The following TMEM254 variants were observed in gnomAD, a reference collection of about 807,000 sequenced individuals.
TMEM254 encodes the protein transmembrane protein 254.
A neutral mutation model predicts 13.9 loss-of-function variants in TMEM254; 16 were observed. The observed-to-expected ratio is 1.15, with a 90% CI of 0.78 to 1.75. The LOEUF (loss-of-function observed/expected upper bound fraction) is 1.75. Ranked by LOEUF, TMEM254 falls within the 40% of genes most tolerant of loss-of-function variation. The pLI, the probability that TMEM254 is intolerant of heterozygous loss-of-function variation, is 0.00. For missense variants in TMEM254, 155 were observed against 149.0 expected, an observed-to-expected ratio of 1.04 and a Z score of -0.21; for synonymous variants, 61 against 56.4, an observed-to-expected ratio of 1.08 and a Z score of -0.36.
chr10:80,088,170 T>C (rs1844404132), intron 3 of TMEM254, among the ~76,000 whole-genome samples: 1 of 152,260 alleles, frequency 6.6e-6, no homozygotes. Flanking sequence ...TATGTGTGGA[T>C]CTATTTCTGA....
intron 3 of TMEM254, among the ~76,000 whole-genome samples, chr10:80,083,958 G>A (rs1474923239): frequency 6.6e-6 from 1 of 152,090 alleles, no homozygotes; most frequent in African/African-American, 2.4e-5. Flanking sequence ...GGTGGTGCGT[G>A]CCTGCAGTCC....
chr10:80,090,582 C>T (rs971593908), intron 3 of TMEM254, among the ~76,000 whole-genome samples: 1 of 152,056 alleles, frequency 6.6e-6, no homozygotes, highest in African/African-American at 2.4e-5. Context: ...GACTAGTTCT[C>T]AGGGAATAGT....
intron 1 of TMEM254, chr10:80,079,272 G>A (rs1290400017): frequency 1.6e-6 from 2 of 1,220,124 alleles, no homozygotes; most frequent in East Asian, 5.9e-5. Context: ...CGGGGCCTGT[G>A]CGCACGCGCA....
chr10:80,080,528 T>G (rs1030543150), intron 1 of TMEM254, among the ~76,000 whole-genome samples: 5 of 152,206 alleles, frequency 3.3e-5, no homozygotes, highest in African/African-American at 1.2e-4. Context: ...AGAAAGGAAT[T>G]CTAAATTAAA....
In TMEM254 at chr10:80,090,820, G is replaced by A. The variant is rs373535741; in HGVS notation, c.275G>A (p.Arg92Gln). ...LCKHKGITSG[R>Q]AQLLWFLQTF... Reference sequence around the variant, plus strand: ...AGGCATAAAGGCATCACAAGTGGTCGGGCTCAGCTACTCTGGTTCCTACAG... The same window carrying A: ...AGGCATAAAGGCATCACAAGTGGTCAGGCTCAGCTACTCTGGTTCCTACAG... Residue 92 changes from arginine to glutamine, a missense_variant, in exon 4 of 4, where the codon CGG becomes CAG. Physicochemically the swap from Arg to Gln is conservative, Grantham distance 43. Transcript: ENST00000372281. The A allele has an allele frequency of 1.3e-4, 210 of 1,613,602 alleles. No individual in the cohort carries two copies. Among genetic ancestry groups the A allele is most frequent in the Non-Finnish European group, 1.6e-4 (189 of 1,179,942 alleles).
intron 3 of TMEM254, among the ~76,000 whole-genome samples, chr10:80,088,537 C>T: frequency 6.7e-6 from 1 of 150,230 alleles, no homozygotes; most frequent in East Asian, 2.0e-4. Context: ...TTTAGATCTC[C>T]TTTAATATAT....
Position 80,090,842 on chromosome 10 carries a change from A to G in TMEM254, c.297A>G (p.Leu99=), listed in dbSNP as rs1844547967. 6 of 1,614,156 alleles carry G rather than the reference A, an allele frequency of 3.7e-6. No homozygotes were observed. The highest frequency in any genetic ancestry group is 4.5e-5 in the East Asian group (2 of 44,880). ...TSGRAQLLWF[L]QTFFFGIASL... ...GTCGGGCTCAGCTACTCTGGTTCCT[A>G]CAGACTTTCTTCTTTGGGATAGCGT... Residue 99 remains leucine (L), a synonymous_variant, in exon 4 of 4, where the codon CTA becomes CTG. Coordinates refer to ENST00000372281, the MANE Select transcript of TMEM254 (RefSeq NM_025125.4).
chr10:80,078,747 C>G lies in TMEM254; in HGVS notation c.48C>G (p.Phe16Leu), dbSNP rs1033975607. Residue 16 changes from phenylalanine (F) to leucine (L), a missense_variant, in exon 1 of 4, where the codon TTC becomes TTG. Phe to Leu is a conservative substitution (Grantham distance 22). Coordinates refer to ENST00000372281, the MANE Select transcript of TMEM254 (RefSeq NM_025125.4). The stretch of plus-strand genomic sequence containing the variant: ...CCTACTTTCAGCGAGGCAGTCTGTT[C>G]TGGTTCACAGTCATCACCCTCAGCT... Reference protein sequence around the residue: ...GATYFQRGSLFWFTVITLSFG... With the variant: ...GATYFQRGSLLWFTVITLSFG... The G allele has an allele frequency of 6.2e-7, 1 of 1,609,072 alleles. No individual in the cohort carries two copies. The highest frequency in any genetic ancestry group is 8.5e-7 in the Non-Finnish European group (1 of 1,178,118).
Position 80,090,919 on chromosome 10 carries a change from G to GT in TMEM254, c.*4dup. 1 of 1,613,474 alleles carries GT rather than the reference G, an allele frequency of 6.2e-7. No individual in the cohort carries two copies. The highest frequency in any genetic ancestry group is 1.1e-5 in the South Asian group (1 of 90,920). ...CGGAAGCGCCAAAAACAAACTTGAA[G>GT]TTGTCTGAAAGCTTGCTCTACACTT... On this transcript the variant is annotated 3_prime_UTR_variant, in exon 4 of 4. Transcript: ENST00000372281.
Position 80,082,264 on chromosome 10 carries a change from C to T in TMEM254, c.251+60C>T, listed in dbSNP as rs112301844. 8.8e-4 allele frequency: 1,381 copies of T among 1,572,044 alleles called. 14 individuals are homozygous for T. In the African/African-American group the frequency reaches 0.017, roughly 19 times the overall value. On this transcript the variant is annotated intron_variant, in intron 3 of 3. Coordinates refer to ENST00000372281, the MANE Select transcript of TMEM254 (RefSeq NM_025125.4). ...CTTAGTAGCTAATATAAATTGAGAG[C>T]AGCCACATTTAAATAGTTCACACAC...
At chr10:80,078,950 G>A (rs2132258517) in intron 1 of TMEM254, 164 bp downstream of exon 1, 1 of 1,531,560 alleles carries the variant, frequency 6.5e-7, no homozygotes, top group African/African-American at 1.4e-5. Context: ...CGCAATGAGA[G>A]CAAGCATACT....
chr10:80,079,130 T>A, intron 1 of TMEM254: 1 of 1,306,666 alleles, frequency 7.7e-7, no homozygotes, highest in Non-Finnish European at 1.0e-6. Context: ...CCTATTTCCG[T>A]CCAGCAAGAC....
chr10:80,091,082 C>G lies in TMEM254; in HGVS notation c.*165C>G, dbSNP rs1844559168. On this transcript the variant is annotated 3_prime_UTR_variant, in exon 4 of 4. Coordinates refer to ENST00000372281, the MANE Select transcript of TMEM254 (RefSeq NM_025125.4). ...TAGTCAGTTTTTTCTCTTATATGCT[C>G]TGGTTGAGCTTGAATAGACCAGTTG... 8.8e-6 allele frequency: 7 copies of G among 795,740 alleles called. No individual in the cohort carries two copies. Among genetic ancestry groups the G allele is most frequent in the Non-Finnish European group, 1.3e-5 (7 of 521,330 alleles). The allele number at this position is 795,740 out of a possible 1,614,324, so 49.3% of individuals were successfully genotyped here.
chr10:80,090,175 C>T (rs1366135237), intron 3 of TMEM254, among the ~76,000 whole-genome samples: 1 of 152,090 alleles, frequency 6.6e-6, no homozygotes, highest in Non-Finnish European at 1.5e-5. Flanking sequence ...TATTTATGTA[C>T]AGATGAGACT....
intron 3 of TMEM254, among the ~76,000 whole-genome samples, chr10:80,083,678 GA>G (rs1444480603): frequency 6.6e-6 from 1 of 152,168 alleles, no homozygotes; most frequent in African/African-American, 2.4e-5. Context: ...GGGTGCAGTT[GA>G]TATCTTCTCT....
chr10:80,080,773 TACACAC>T (rs35188589), intron 1 of TMEM254, among the ~76,000 whole-genome samples: 1 of 150,126 alleles, frequency 6.7e-6, no homozygotes, highest in Non-Finnish European at 1.5e-5. Context: ...ACCTCATCTC[TACACAC>T]ACACACACAC....
intron 1 of TMEM254, among the ~76,000 whole-genome samples, chr10:80,081,438 T>G (rs1296284300): frequency 1.3e-5 from 2 of 151,820 alleles, no homozygotes; most frequent in Non-Finnish European, 2.9e-5. Flanking sequence ...AGGCCAAGAT[T>G]GGAGAATTGC....
chr10:80,086,480 T>C, intron 3 of TMEM254: 1 of 323,218 alleles, frequency 3.1e-6, no homozygotes, highest in Admixed American at 5.0e-5. Context: ...TTTTGTTGTT[T>C]TGCCTATTTC....
At chr10:80,081,292 T>C (rs911979367) in intron 1 of TMEM254, among the ~76,000 whole-genome samples, 5 of 18,980 alleles carry the variant, frequency 2.6e-4, no homozygotes, top group African/African-American at 1.1e-3. Context: ...AAAAAGACTT[T>C]AAGAGTCATC....
Sources: gnomAD v4.1 joint callset for allele counts (sites outside exome capture counted in the v4.1 genomes callset) on GRCh38, gnomAD v4.1.1 for gene constraint, MANE v1.5 for transcripts, NCBI Gene and HGNC (gene_info 2026-07-23, HGNC 2026-07-21) for gene names.